The following LYRM7 variants were observed in gnomAD, a reference collection of about 807,000 sequenced individuals.
The protein encoded by LYRM7 is LYR motif containing 7, also known as complex III assembly factor LYRM7.
In LYRM7, 9 loss-of-function variants were observed where a neutral mutation model predicts 15.8. That is an observed-to-expected ratio of 0.57 (90% confidence interval 0.34 to 0.99). The LOEUF (loss-of-function observed/expected upper bound fraction) is 0.99. Among genes scored for constraint, LYRM7 ranks in the 50% least tolerant of loss-of-function variants. The probability of loss-of-function intolerance (pLI) is 0.02; values close to 1 mark genes in which losing one functional copy is unlikely to be tolerated. For missense variants in LYRM7, 115 were observed against 119.1 expected (o/e 0.97, Z 0.16); for synonymous variants, 39 against 39.4 (o/e 0.99, Z 0.04).
chr5:131,176,168 A>G (rs141697492), intron 1 of LYRM7, among the ~76,000 whole-genome samples: 384 of 152,314 alleles, frequency 2.5e-3, no homozygotes, highest in African/African-American at 8.5e-3. Context: ...CTTTTTCACT[A>G]TTATGAATAA....
At chr5:131,178,484 T>C (rs74377844) in intron 1 of LYRM7, among the ~76,000 whole-genome samples, 2,174 of 152,272 alleles carry the variant, frequency 0.014, 45 homozygotes, top group African/African-American at 0.05. Flanking sequence ...AAGAGCAATA[T>C]TGAGAGAACA....
chr5:131,181,385 TA>T (rs1755701241), intron 2 of LYRM7, among the ~76,000 whole-genome samples: 6 of 92,864 alleles, frequency 6.5e-5, no homozygotes, highest in African/African-American at 4.5e-4. Flanking sequence ...ATATATAATA[TA>T]TACATATATA....
At chr5:131,176,757 G>A (rs1028234385) in intron 1 of LYRM7, among the ~76,000 whole-genome samples, 7 of 151,876 alleles carry the variant, frequency 4.6e-5, no homozygotes, top group Non-Finnish European at 8.8e-5. Flanking sequence ...CCCTTTTGGC[G>A]TTCTATCCAC....
chr5:131,172,910 T>G (rs924255361), intron 1 of LYRM7, among the ~76,000 whole-genome samples: 3 of 152,192 alleles, frequency 2.0e-5, no homozygotes, highest in African/African-American at 7.2e-5. Context: ...AGGAAGAGAA[T>G]ACAGTCTGTG....
intron 4 of LYRM7, among the ~76,000 whole-genome samples, chr5:131,188,291 A>C (rs1316319517): frequency 1.3e-5 from 2 of 152,110 alleles, no homozygotes; most frequent in African/African-American, 4.8e-5. Context: ...TTGTTTTTTA[A>C]GCAGACTATG....
intron 4 of LYRM7, among the ~76,000 whole-genome samples, chr5:131,197,541 C>CTTT (rs60003952): frequency 0.021 from 1,901 of 90,478 alleles, 71 homozygotes; most frequent in African/African-American, 0.029. Flanking sequence ...TGTCTTCTGT[C>CTTT]TTTTTTTTTT....
At chr5:131,176,502 C>G (rs953525717) in intron 1 of LYRM7, among the ~76,000 whole-genome samples, 3 of 143,086 alleles carry the variant, frequency 2.1e-5, no homozygotes, top group Non-Finnish European at 3.0e-5. Context: ...CTTTTTATGG[C>G]TTATTGGCCA....
At chr5:131,175,576 C>G (rs997794020) in intron 1 of LYRM7, among the ~76,000 whole-genome samples, 2 of 151,700 alleles carry the variant, frequency 1.3e-5, no homozygotes, top group African/African-American at 4.9e-5. Context: ...ACTCTGTCAC[C>G]CAGCCTGCAG....
chr5:131,187,956 G>C (rs568241903), intron 4 of LYRM7, among the ~76,000 whole-genome samples: 6 of 152,132 alleles, frequency 3.9e-5, no homozygotes, highest in African/African-American at 1.4e-4. Context: ...ACAACAAAAA[G>C]ATGACATTCA....
intron 2 of LYRM7, among the ~76,000 whole-genome samples, chr5:131,180,715 C>T (rs995997801): frequency 6.6e-6 from 1 of 152,200 alleles, no homozygotes. Flanking sequence ...AGTGTCCCCA[C>T]TGTTTCCAGG....
chr5:131,182,324 T>G (rs752183737), intron 3 of LYRM7, 25 bp downstream of exon 3: 250 of 1,348,902 alleles, frequency 1.9e-4, no homozygotes, highest in Non-Finnish European at 2.4e-4. Flanking sequence ...TCAATTATAG[T>G]AAAACTTATA....
At position 131,200,041 on chromosome 5, in the gene LYRM7, TCA is replaced by T. The variant is rs10586320; in HGVS notation, c.*443_*444del. 26,339 of 152,568 alleles carry T rather than the reference TCA, an allele frequency of 0.17. 2,581 individuals are homozygous for T. The highest frequency in any genetic ancestry group is 0.27 in the African/African-American group (11,175 of 41,482). 9.5% of individuals were successfully genotyped at this position (152,568 alleles called of 1,614,324 possible). On this transcript the variant is annotated 3_prime_UTR_variant, in exon 5 of 5. Transcript: ENST00000379380. ...AAAAATATTAAATTGGTCAAAAAAA[TCA>T]CAGTGTATGCCAGCTCTCTACAGAA...
chr5:131,199,895 G>A lies in LYRM7; in HGVS notation c.*294G>A. 5.2e-6 allele frequency: 1 copy of A among 190,656 alleles called. No homozygotes were observed. Among genetic ancestry groups the A allele is most frequent in the Non-Finnish European group, 1.1e-5 (1 of 93,778 alleles). The allele number at this position is 190,656 out of a possible 1,614,324, so 11.8% of individuals were successfully genotyped here. A position where few individuals can be genotyped will look rare whatever the true frequency, so the allele number is the denominator to read the frequency against. ...TATATTCAATCTTTGACCTTGATGA[G>A]TATTTGATCTTACCATAGCTATTTG... On this transcript the variant is annotated 3_prime_UTR_variant, in exon 5 of 5. Coordinates refer to ENST00000379380, the MANE Select transcript of LYRM7 (RefSeq NM_181705.4).
intron 1 of LYRM7, among the ~76,000 whole-genome samples, chr5:131,173,320 C>G (rs1755551130): frequency 6.6e-6 from 1 of 152,192 alleles, no homozygotes; most frequent in Non-Finnish European, 1.5e-5. Flanking sequence ...AGGTTTGGTT[C>G]AAGCCCACGG....
At chr5:131,176,867 A>T (rs1337029958) in intron 1 of LYRM7, among the ~76,000 whole-genome samples, 6 of 152,210 alleles carry the variant, frequency 3.9e-5, no homozygotes, top group Admixed American at 2.6e-4. Context: ...GGTCTCCAGC[A>T]GCTGCTGCAA....
At chr5:131,184,641 G>T (rs555938175) in intron 3 of LYRM7, among the ~76,000 whole-genome samples, 1 of 89,582 alleles carries the variant, frequency 1.1e-5, no homozygotes, top group Non-Finnish European at 2.0e-5. Flanking sequence ...TTTTTTTGGC[G>T]GGGGGGGGGT....
intron 4 of LYRM7, among the ~76,000 whole-genome samples, chr5:131,194,986 G>T (rs983108710): frequency 6.6e-6 from 1 of 152,068 alleles, no homozygotes; most frequent in Non-Finnish European, 1.5e-5. Context: ...AAAATTGGCC[G>T]GGATCGCTGG....
intron 2 of LYRM7, among the ~76,000 whole-genome samples, chr5:131,181,255 G>A (rs1465288080): frequency 4.1e-5 from 4 of 97,764 alleles, no homozygotes; most frequent in African/African-American, 7.4e-5. Flanking sequence ...CAGCCTGGGC[G>A]ACAAAGCAAG....
chr5:131,196,169 T>G (rs1755960492), intron 4 of LYRM7, among the ~76,000 whole-genome samples: 2 of 149,416 alleles, frequency 1.3e-5, no homozygotes. Context: ...AGTGGCACGA[T>G]CTTGGCTCAC....
Sources: gnomAD v4.1 joint callset for allele counts (sites outside exome capture counted in the v4.1 genomes callset) on GRCh38, gnomAD v4.1.1 for gene constraint, MANE v1.5 for transcripts, NCBI Gene and HGNC (gene_info 2026-07-23, HGNC 2026-07-21) for gene names.